PRKN: variants seen among roughly 807,000 people sequenced by gnomAD.
PRKN encodes parkin RBR E3 ubiquitin protein ligase, also known as E3 ubiquitin-protein ligase parkin.
Under a neutral mutation model 59.5 loss-of-function variants are expected in PRKN, and 56 were observed. The observed-to-expected ratio is 0.94, with a 90% CI of 0.76 to 1.18. The LOEUF (loss-of-function observed/expected upper bound fraction) is 1.18, where lower values mean the gene tolerates loss of function less well. Ranked by LOEUF, PRKN falls within the 50% of genes most tolerant of loss-of-function variation. The probability of loss-of-function intolerance (pLI) is 0.00; values close to 1 mark genes in which losing one functional copy is unlikely to be tolerated. For missense variants in PRKN, 657 were observed against 596.4 expected (o/e 1.10, Z -1.06); for synonymous variants, 250 against 222.1 (o/e 1.13, Z -1.12).
chr6:162,402,087 CA>C (rs1787824488), intron 2 of PRKN, among the ~76,000 whole-genome samples: 1 of 151,526 alleles, frequency 6.6e-6, no homozygotes, highest in Non-Finnish European at 1.5e-5. Context: ...CAGTCTCTAC[CA>C]AAAAACAAAA....
chr6:162,246,305 C>T (rs929972409), intron 3 of PRKN, among the ~76,000 whole-genome samples: 1 of 151,984 alleles, frequency 6.6e-6, no homozygotes, highest in Non-Finnish European at 1.5e-5. Context: ...AGAGGAAACC[C>T]CGTGAGAGGA....
chr6:162,161,940 G>T (rs9295183), intron 4 of PRKN, among the ~76,000 whole-genome samples: 3,668 of 152,002 alleles, frequency 0.024, 164 homozygotes, highest in African/African-American at 0.084. Context: ...TTTGTCATAG[G>T]TATGCATGTA....
chr6:162,279,468 G>A (rs1434070251), intron 2 of PRKN, among the ~76,000 whole-genome samples: 1 of 150,706 alleles, frequency 6.6e-6, no homozygotes, highest in Non-Finnish European at 1.5e-5. Flanking sequence ...AAAGAGAGAA[G>A]AGAAGAGAAA....
chr6:162,504,434 A>G (rs554573124), intron 1 of PRKN, among the ~76,000 whole-genome samples: 1 of 152,324 alleles, frequency 6.6e-6, no homozygotes, highest in East Asian at 1.9e-4. Context: ...TGTTATAATA[A>G]AAGTAGTAAC....
rs564990305 is a variant in PRKN, at chr6:162,207,240, C to T, written c.413-5988G>A. 7.9e-5 allele frequency among the ~76,000 whole-genome samples: 12 copies of T among 152,096 alleles called. No homozygotes were observed. The East Asian group carries it at 1.6e-3, about 20-fold the overall frequency. On this transcript the variant is annotated intron_variant, in intron 3 of 11. Transcript: ENST00000366898. ...ACAAAAAATTAGCCGGCTTGGTGGC[C>T]GGACCCCTGTAGTCCCAGCTGCTCG...
chr6:161,925,140 C>T (rs1305396227), intron 6 of PRKN, among the ~76,000 whole-genome samples: 7 of 152,054 alleles, frequency 4.6e-5, no homozygotes, highest in Non-Finnish European at 7.4e-5. Context: ...CCAAATTTTT[C>T]CTTATATAAA....
At position 162,442,682 on chromosome 6, in the gene PRKN, C is replaced by T. The variant is rs114598236; in HGVS notation, c.171+628G>A. On this transcript the variant is annotated intron_variant, in intron 2 of 11. Transcript: ENST00000366898. ...GTTCACACTTATTACGTTGCAGGGG[C>T]CTATTTCCAGGGACAATGTTACTGA... Among the ~76,000 whole-genome samples the T allele has an allele frequency of 8.4e-3, 1,272 of 152,226 alleles. 20 individuals are homozygous for T. Among genetic ancestry groups the T allele is most frequent in the African/African-American group, 0.029 (1,195 of 41,514 alleles).
chr6:161,784,969 A>G (rs1790354987), intron 7 of PRKN, among the ~76,000 whole-genome samples: 1 of 152,190 alleles, frequency 6.6e-6, no homozygotes, highest in Non-Finnish European at 1.5e-5. Flanking sequence ...ACTTGAATAA[A>G]CCTCAAATAC....
At chr6:162,628,290 TG>T (rs1387584296) in intron 1 of PRKN, among the ~76,000 whole-genome samples, 4 of 152,072 alleles carry the variant, frequency 2.6e-5, no homozygotes, top group Non-Finnish European at 5.9e-5. Flanking sequence ...GACCTAAAGA[TG>T]GATCCAGTTA....
intron 7 of PRKN, among the ~76,000 whole-genome samples, chr6:161,662,120 G>A (rs916301261): frequency 7.2e-5 from 11 of 152,138 alleles, no homozygotes; most frequent in Non-Finnish European, 1.5e-4. Context: ...CTGCACAGAG[G>A]GAAAGTTCGT....
intron 1 of PRKN, among the ~76,000 whole-genome samples, chr6:162,498,439 C>CTTTTTTTT (rs34333763): frequency 8.0e-5 from 1 of 12,434 alleles, no homozygotes; most frequent in Non-Finnish European, 1.6e-4. Flanking sequence ...TTTCCTTTTT[C>CTTTTTTTT]TTTTTTTTTT....
chr6:161,928,440 G>A (rs545425192), intron 6 of PRKN, among the ~76,000 whole-genome samples: 3 of 151,252 alleles, frequency 2.0e-5, no homozygotes, highest in Non-Finnish European at 1.5e-5. Context: ...ATTAGAAGAG[G>A]CAGGAGATTT....
chr6:161,868,535 C>A (rs1200123192), intron 6 of PRKN, among the ~76,000 whole-genome samples: 2 of 152,032 alleles, frequency 1.3e-5, no homozygotes, highest in Non-Finnish European at 2.9e-5. Context: ...GAGCTGAGAT[C>A]ACACCACTGC....
At position 162,709,876 on chromosome 6, in the gene PRKN, CT is replaced by C. The variant is rs1465301710; in HGVS notation, c.7+17785del. Among the ~76,000 whole-genome samples, 12 of 123,080 alleles carry C rather than the reference CT, an allele frequency of 9.7e-5. No homozygotes were observed. In the Middle Eastern group the frequency reaches 0.012, roughly 121 times the overall value. 80.7% of individuals were successfully genotyped at this position (123,080 alleles called of 152,430 possible). ...TCCCTGGAATCTGAGAGCGAATGCT[CT>C]TGCCTAGGAGGTGGACAGTGGGGTG... On this transcript the variant is annotated intron_variant, in intron 1 of 11. Coordinates refer to ENST00000366898, the MANE Select transcript of PRKN (RefSeq NM_004562.3).
intron 2 of PRKN, among the ~76,000 whole-genome samples, chr6:162,384,821 G>T (rs1341016855): frequency 2.0e-5 from 3 of 152,104 alleles, no homozygotes; most frequent in Non-Finnish European, 4.4e-5. Flanking sequence ...AGGTCAGAAA[G>T]CTGCAATGCA....
At chr6:162,385,851 G>C (rs1583479264) in intron 2 of PRKN, among the ~76,000 whole-genome samples, 2 of 151,828 alleles carry the variant, frequency 1.3e-5, no homozygotes, top group East Asian at 1.9e-4. Context: ...ATGTTATTCA[G>C]TTCGGTTTTT....
chr6:161,638,163 C>T (rs185198289), intron 7 of PRKN, among the ~76,000 whole-genome samples: 21 of 151,716 alleles, frequency 1.4e-4, no homozygotes, highest in Non-Finnish European at 2.5e-4. Context: ...GACTGAATCT[C>T]TCTCTTTTGC....
intron 6 of PRKN, among the ~76,000 whole-genome samples, chr6:161,947,766 T>G (rs1458748728): frequency 3.3e-5 from 5 of 152,202 alleles, no homozygotes; most frequent in Non-Finnish European, 7.3e-5. Flanking sequence ...ATGAGCTGCC[T>G]TCATAGATTT....
At chr6:161,602,863 C>T (rs1010284204) in intron 7 of PRKN, among the ~76,000 whole-genome samples, 1 of 152,178 alleles carries the variant, frequency 6.6e-6, no homozygotes, top group African/African-American at 2.4e-5. Context: ...AATCCTTGCC[C>T]TCAAAGAGCC....
Sources: allele counts gnomAD v4.1 joint callset (sites outside exome capture counted in the v4.1 genomes callset), GRCh38; gene constraint gnomAD v4.1.1; transcripts MANE v1.5; gene names NCBI Gene and HGNC (gene_info 2026-07-23, HGNC 2026-07-21).